Variants in PLCB1 observed in about 807,000 individuals in gnomAD.
The protein encoded by PLCB1 is phospholipase C beta 1.
Under a neutral mutation model 161.8 loss-of-function variants are expected in PLCB1, and 46 were observed. That is an observed-to-expected ratio of 0.28 (90% CI 0.22 to 0.36). The LOEUF (loss-of-function observed/expected upper bound fraction) is 0.36. PLCB1 is among the 10% of genes least tolerant of loss of function. The probability of loss-of-function intolerance (pLI) is 1.00; values close to 1 mark genes in which losing one functional copy is unlikely to be tolerated. For missense variants in PLCB1, 1,016 were observed against 1,472.5 expected, an observed-to-expected ratio of 0.69 and a Z score of 5.07; for synonymous variants, 517 against 503.7, an observed-to-expected ratio of 1.03 and a Z score of -0.35.
chr20:8,595,370 G>C (rs1423083535), intron 3 of PLCB1, among the ~76,000 whole-genome samples: 1 of 139,856 alleles, frequency 7.2e-6, no homozygotes, highest in Admixed American at 7.4e-5. Flanking sequence ...TTGTTCTTGC[G>C]ATAGTTTACT....
intron 2 of PLCB1, among the ~76,000 whole-genome samples, chr20:8,339,385 G>A (rs1281257180): frequency 6.6e-6 from 1 of 152,146 alleles, no homozygotes; most frequent in African/African-American, 2.4e-5. Context: ...GATAGGCTGG[G>A]GACAGGAGGC....
At chr20:8,288,213 T>C (rs534164089) in intron 2 of PLCB1, among the ~76,000 whole-genome samples, 1 of 151,830 alleles carries the variant, frequency 6.6e-6, no homozygotes, top group East Asian at 1.9e-4. Context: ...ATAGAGCTTC[T>C]TGTTAGTCAG....
At chr20:8,662,357 ATTAT>A (rs1202547866) in intron 9 of PLCB1, among the ~76,000 whole-genome samples, 25 of 126,336 alleles carry the variant, frequency 2.0e-4, no homozygotes, top group Non-Finnish European at 7.8e-5. Flanking sequence ...ATAATATGTA[ATTAT>A]TTATTATATA....
chr20:8,286,181 G>C (rs964411846), intron 2 of PLCB1, among the ~76,000 whole-genome samples: 1 of 152,100 alleles, frequency 6.6e-6, no homozygotes, highest in Non-Finnish European at 1.5e-5. Flanking sequence ...AAGATTTGCC[G>C]GGCGTGGTAG....
At chr20:8,462,985 G>T (rs1169044440) in intron 3 of PLCB1, among the ~76,000 whole-genome samples, 1 of 151,966 alleles carries the variant, frequency 6.6e-6, no homozygotes, top group African/African-American at 2.4e-5. Flanking sequence ...GAATAAATGA[G>T]AATTTATTTA....
intron 3 of PLCB1, among the ~76,000 whole-genome samples, chr20:8,593,468 A>G (rs909330659): frequency 2.6e-5 from 4 of 152,094 alleles, no homozygotes; most frequent in Non-Finnish European, 4.4e-5. Flanking sequence ...TGCTGGGATT[A>G]CAAGTGTGAG....
At chr20:8,628,869 G>C (rs914829958) in intron 4 of PLCB1, among the ~76,000 whole-genome samples, 9 of 152,030 alleles carry the variant, frequency 5.9e-5, no homozygotes, top group Admixed American at 5.9e-4. Flanking sequence ...AGGAGGTGGA[G>C]GTTGCAGTGA....
At chr20:8,182,638 T>C (rs929856708) in intron 2 of PLCB1, among the ~76,000 whole-genome samples, 3 of 150,836 alleles carry the variant, frequency 2.0e-5, no homozygotes, top group Non-Finnish European at 4.4e-5. Flanking sequence ...TGGAGTACGG[T>C]GGCACGATCT....
chr20:8,766,560 C>T (rs186599873), intron 26 of PLCB1, among the ~76,000 whole-genome samples: 38 of 152,308 alleles, frequency 2.5e-4, no homozygotes, highest in Admixed American at 2.4e-3. Flanking sequence ...ATCAGAGAAA[C>T]AGGAGGGAAT....
intron 31 of PLCB1, among the ~76,000 whole-genome samples, chr20:8,816,460 G>T (rs1280869680): frequency 1.3e-5 from 2 of 152,176 alleles, no homozygotes; most frequent in Non-Finnish European, 2.9e-5. Context: ...AAAGTTTGAA[G>T]AGTAAAGCAA....
intron 3 of PLCB1, among the ~76,000 whole-genome samples, chr20:8,474,068 A>T (rs1771050165): frequency 6.6e-6 from 1 of 152,186 alleles, no homozygotes; most frequent in South Asian, 2.1e-4. Context: ...CAGGAATATC[A>T]TTAGGGCATC....
At chr20:8,830,148 A>G (rs1475290011) in intron 31 of PLCB1, among the ~76,000 whole-genome samples, 1 of 152,236 alleles carries the variant, frequency 6.6e-6, no homozygotes, top group Non-Finnish European at 1.5e-5. Context: ...ATGTGTGAGT[A>G]GGAATGAGAA....
At chr20:8,205,136 T>C (rs1978458048) in intron 2 of PLCB1, among the ~76,000 whole-genome samples, 1 of 152,194 alleles carries the variant, frequency 6.6e-6, no homozygotes. Flanking sequence ...AAATAGTTGA[T>C]TTAATGTTGT....
At chr20:8,212,347 A>G (rs538495249) in intron 2 of PLCB1, among the ~76,000 whole-genome samples, 5 of 152,234 alleles carry the variant, frequency 3.3e-5, no homozygotes, top group South Asian at 2.1e-4. Context: ...TAATTGTTCA[A>G]TTTTTTCCAG....
intron 3 of PLCB1, among the ~76,000 whole-genome samples, chr20:8,568,265 G>T (rs1056738088): frequency 6.6e-5 from 10 of 152,136 alleles, no homozygotes; most frequent in Admixed American, 6.6e-4. Flanking sequence ...TTTTACCTCT[G>T]AGAATTTTCT....
At chr20:8,875,344 TAAC>T (rs758031097) in intron 31 of PLCB1, among the ~76,000 whole-genome samples, 49 of 149,470 alleles carry the variant, frequency 3.3e-4, no homozygotes, top group Non-Finnish European at 6.2e-4. Flanking sequence ...AACAAGCAAA[TAAC>T]AATCCTAAGA....
At chr20:8,348,282 G>T (rs922037614) in intron 2 of PLCB1, among the ~76,000 whole-genome samples, 2 of 152,202 alleles carry the variant, frequency 1.3e-5, no homozygotes, top group Admixed American at 1.3e-4. Context: ...ATACAAACAT[G>T]CACGAAGGAA....
intron 1 of PLCB1, among the ~76,000 whole-genome samples, chr20:8,145,289 C>T (rs772915543): frequency 1.3e-5 from 2 of 152,124 alleles, no homozygotes; most frequent in Non-Finnish European, 2.9e-5. Context: ...ATGTTCTCTT[C>T]TTATAAGGAC....
chr20:8,160,822 C>T (rs1600207448), intron 2 of PLCB1, among the ~76,000 whole-genome samples: 2 of 152,142 alleles, frequency 1.3e-5, no homozygotes, highest in Non-Finnish European at 2.9e-5. Flanking sequence ...ATTATTTAAA[C>T]ATTTATCACA....
Sources: gnomAD v4.1 joint callset for allele counts (sites outside exome capture counted in the v4.1 genomes callset) on GRCh38, gnomAD v4.1.1 for gene constraint, MANE v1.5 for transcripts, NCBI Gene and HGNC (gene_info 2026-07-23, HGNC 2026-07-21) for gene names.